Variants in TMC1 observed in about 807,000 individuals in gnomAD.
TMC1 encodes the protein transmembrane channel-like protein 1.
A neutral mutation model predicts 105.8 loss-of-function variants in TMC1; 84 were observed. That is an observed-to-expected ratio of 0.79 (90% CI 0.67 to 0.95). TMC1 has a LOEUF of 0.95. Ranked by LOEUF, TMC1 falls within the 40% of genes least tolerant of loss-of-function variation. TMC1 has a pLI of 0.00. For synonymous variants in TMC1, 315 were observed against 311.5 expected, an observed-to-expected ratio of 1.01 and a Z score of -0.12; for missense variants, 817 against 914.1, an observed-to-expected ratio of 0.89 and a Z score of 1.37.
At chr9:72,532,590 T>G (rs1823518575) in intron 1 of TMC1, among the ~76,000 whole-genome samples, 1 of 133,380 alleles carries the variant, frequency 7.5e-6, no homozygotes. Context: ...AAAAAAAACT[T>G]TACCGGAATT....
chr9:72,573,047 C>T (rs556963097), intron 1 of TMC1, among the ~76,000 whole-genome samples: 6 of 152,198 alleles, frequency 3.9e-5, no homozygotes, highest in African/African-American at 1.4e-4. Context: ...AATGCTATCT[C>T]ATTATTGTTT....
chr9:72,784,287 A>C (rs1193999158), intron 13 of TMC1, among the ~76,000 whole-genome samples: 1 of 152,230 alleles, frequency 6.6e-6, no homozygotes, highest in East Asian at 1.9e-4. Flanking sequence ...GACACTTCTC[A>C]AAAGAAGGCA....
At chr9:72,749,246 GA>G (rs1435169730) in intron 10 of TMC1, among the ~76,000 whole-genome samples, 1 of 152,224 alleles carries the variant, frequency 6.6e-6, no homozygotes, top group Non-Finnish European at 1.5e-5. Context: ...CATAAAAAGT[GA>G]GGAAGGAAGA....
At chr9:72,804,896 G>A (rs1828544707) in intron 17 of TMC1, among the ~76,000 whole-genome samples, 1 of 152,162 alleles carries the variant, frequency 6.6e-6, no homozygotes, top group African/African-American at 2.4e-5. Context: ...GTTTGTATAT[G>A]TTCTTCTGTG....
rs577451509 is a variant in TMC1 at position 72,525,259 on chromosome 9, A to G, written c.-428+3346A>G. Among the ~76,000 whole-genome samples, 5 of 152,296 alleles carry G rather than the reference A, an allele frequency of 3.3e-5. No individual in the cohort carries two copies. In the South Asian group the frequency reaches 1.0e-3, roughly 32 times the overall value. The stretch of plus-strand genomic sequence containing the variant: ...TCTGTTTGCATCTTAAAAATGAGTC[A>G]TACCTATTCCTTGTAAGTAGGACAG... On this transcript the variant is annotated intron_variant, in intron 1 of 23. Transcript: ENST00000297784.
intron 12 of TMC1, among the ~76,000 whole-genome samples, chr9:72,757,944 A>G (rs1186342694): frequency 6.6e-6 from 1 of 152,226 alleles, no homozygotes; most frequent in Admixed American, 6.5e-5. Context: ...AAGGACTTTT[A>G]TTATAACAAA....
intron 4 of TMC1, among the ~76,000 whole-genome samples, chr9:72,644,910 CT>C (rs564381518): frequency 1.6e-4 from 24 of 152,070 alleles, no homozygotes; most frequent in Middle Eastern, 3.2e-3. Flanking sequence ...AAAACAGCCC[CT>C]ATCAGAGCAA....
At chr9:72,741,234 C>A in intron 9 of TMC1, 1 of 180,310 alleles carries the variant, frequency 5.5e-6, no homozygotes, top group South Asian at 1.7e-4. Context: ...CACAAAATCT[C>A]CAGCAATACA....
In TMC1 at chr9:72,831,518, A is replaced by G. The variant is rs193201696; in HGVS notation, c.2260+836A>G. Among the ~76,000 whole-genome samples the G allele has an allele frequency of 7.1e-3, 1,080 of 152,196 alleles. 17 individuals are homozygous for G. The highest frequency in any genetic ancestry group is 0.043 in the South Asian group (207 of 4,810). On this transcript the variant is annotated intron_variant, in intron 23 of 23. Coordinates refer to ENST00000297784, the MANE Select transcript of TMC1 (RefSeq NM_138691.3). Reference sequence around the variant, plus strand: ...TTAGTTACATATGTATACATGTGCCATGTTGGTGTGCTGCACCCATTAACT... The same window carrying G: ...TTAGTTACATATGTATACATGTGCCGTGTTGGTGTGCTGCACCCATTAACT...
intron 23 of TMC1, among the ~76,000 whole-genome samples, chr9:72,833,741 A>AT (rs1256368823): frequency 2.6e-5 from 4 of 152,266 alleles, no homozygotes; most frequent in South Asian, 2.1e-4. Context: ...TCAAAATAGT[A>AT]TTTTTTCAGA....
chr9:72,566,118 T>G (rs1299809679), intron 1 of TMC1, among the ~76,000 whole-genome samples: 1 of 152,220 alleles, frequency 6.6e-6, no homozygotes, highest in Non-Finnish European at 1.5e-5. Context: ...CAGCCTCTAA[T>G]TCCTGGGCTC....
chr9:72,774,369 C>T lies in TMC1; in HGVS notation c.884+1814C>T, dbSNP rs79725685. Among the ~76,000 whole-genome samples, 860 of 152,134 alleles carry T rather than the reference C, an allele frequency of 5.7e-3. 6 individuals are homozygous for T. Among genetic ancestry groups the T allele is most frequent in the African/African-American group, 0.02 (819 of 41,492 alleles). On this transcript the variant is annotated intron_variant, in intron 13 of 23. Transcript: ENST00000297784. ...TATATCAAAAGTATTATCATTTTAA[C>T]GAACAATCAATATAAAATTATTATT...
intron 12 of TMC1, among the ~76,000 whole-genome samples, chr9:72,766,303 G>C (rs1827836043): frequency 6.6e-6 from 1 of 151,700 alleles, no homozygotes; most frequent in Non-Finnish European, 1.5e-5. Context: ...TGTAGTCCCA[G>C]CTACTCGGGA....
Position 72,754,392 on chromosome 9 carries a change from C to T in TMC1, c.643-394C>T, listed in dbSNP as rs186583280. Among the ~76,000 whole-genome samples the T allele has an allele frequency of 6.6e-5, 10 of 152,318 alleles. No individual in the cohort carries two copies. The South Asian group carries it at 1.0e-3, about 16-fold the overall frequency. On this transcript the variant is annotated intron_variant, in intron 11 of 23. Transcript: ENST00000297784. ...AGGACAGAATCTCCCTCCACCCTCA[C>T]TCCTAAGGGGTATTCTCTTATGAAA...
intron 18 of TMC1, among the ~76,000 whole-genome samples, chr9:72,806,118 CG>C (rs1478515940): frequency 6.6e-6 from 1 of 151,352 alleles, no homozygotes; most frequent in Non-Finnish European, 1.5e-5. Flanking sequence ...CCAGTAGGGG[CG>C]GCCGGGCAGA....
At chr9:72,596,169 C>G (rs1824716568) in intron 2 of TMC1, among the ~76,000 whole-genome samples, 1 of 152,166 alleles carries the variant, frequency 6.6e-6, no homozygotes, top group African/African-American at 2.4e-5. Context: ...GCCACCGCGC[C>G]CAGCCAACTC....
rs74412799 is a variant in TMC1 at position 72,728,661 on chromosome 9, A to T, written c.363-11458A>T. On this transcript the variant is annotated intron_variant, in intron 8 of 23. Coordinates refer to ENST00000297784, the MANE Select transcript of TMC1 (RefSeq NM_138691.3). ...TTAGCAGATAATAGTACAACCTCCC[A>T]AATTTTGGTTTCCTTCTGTGAGGAA... is the stretch of plus-strand genomic sequence containing the variant. Among the ~76,000 whole-genome samples the T allele has an allele frequency of 8.6e-3, 1,301 of 152,080 alleles. 13 individuals carry two copies. The highest frequency in any genetic ancestry group is 0.03 in the African/African-American group (1,234 of 41,504).
chr9:72,641,810 CTTTTTTT>C (rs896125209), intron 4 of TMC1, among the ~76,000 whole-genome samples: 4 of 86,998 alleles, frequency 4.6e-5, no homozygotes, highest in Non-Finnish European at 8.5e-5. Context: ...AGTCCCAAAT[CTTTTTTT>C]TTTTTTTTTT....
intron 5 of TMC1, among the ~76,000 whole-genome samples, chr9:72,650,662 C>A (rs77890814): frequency 0.097 from 14,680 of 151,128 alleles, 850 homozygotes; most frequent in African/African-American, 0.15. Context: ...ATTCTATCCT[C>A]CCCCCTCACA....
Sources: gnomAD v4.1 joint callset for allele counts (sites outside exome capture counted in the v4.1 genomes callset) on GRCh38, gnomAD v4.1.1 for gene constraint, MANE v1.5 for transcripts, NCBI Gene and HGNC (gene_info 2026-07-23, HGNC 2026-07-21) for gene names.